Variants in SLC4A1AP observed in about 807,000 individuals in gnomAD.
The protein encoded by SLC4A1AP is kanadaptin.
SLC4A1AP carries 64 observed loss-of-function variants against 89.7 expected under a neutral mutation model. The observed-to-expected ratio is 0.71, with a 90% CI of 0.58 to 0.88. The LOEUF is 0.88. Ranked by LOEUF, SLC4A1AP falls within the 40% of genes least tolerant of loss-of-function variation. SLC4A1AP has a pLI of 0.00. For synonymous variants in SLC4A1AP, 366 were observed against 353.3 expected (o/e 1.04, Z -0.40); for missense variants, 931 against 965.0 (o/e 0.96, Z 0.47).
At chr2:27,673,492 T>C (rs965621843) in intron 5 of SLC4A1AP, among the ~76,000 whole-genome samples, 10 of 136,234 alleles carry the variant, frequency 7.3e-5, no homozygotes, top group Non-Finnish European at 1.4e-4. Context: ...TCCTTCTCTT[T>C]CCTCTATGCT....
intron 13 of SLC4A1AP, among the ~76,000 whole-genome samples, chr2:27,694,153 A>G (rs1165673650): frequency 6.6e-6 from 1 of 152,182 alleles, no homozygotes; most frequent in Non-Finnish European, 1.5e-5. Context: ...TTTCCTCACA[A>G]GACAACCAAT....
chr2:27,678,859 C>T (rs1572993285), intron 8 of SLC4A1AP, among the ~76,000 whole-genome samples: 1 of 151,704 alleles, frequency 6.6e-6, no homozygotes, highest in Non-Finnish European at 1.5e-5. Context: ...GCTGGGACCA[C>T]ACGCATGCTC....
exon 4 of SLC4A1AP, chr2:27,668,875 G>C: frequency 1.9e-6 from 3 of 1,614,056 alleles, no homozygotes; most frequent in Non-Finnish European, 2.5e-6. Flanking sequence ...TGATGAACAG[G>C]GACATAGCAC....
intron 1 of SLC4A1AP, 75 bp from the exon 2 acceptor site, chr2:27,665,025 C>G: frequency 4.0e-6 from 5 of 1,240,502 alleles, no homozygotes; most frequent in Non-Finnish European, 5.7e-6. Flanking sequence ...CCACTGCACT[C>G]CAGTCCAGCC....
At chr2:27,688,098 G>A in intron 11 of SLC4A1AP, 78 bp downstream of exon 11, 1 of 1,170,278 alleles carries the variant, frequency 8.5e-7, no homozygotes, top group East Asian at 2.4e-5. Context: ...GCTGGCAGCT[G>A]ACCTGAAGGC....
intron 3 of SLC4A1AP, among the ~76,000 whole-genome samples, chr2:27,668,282 GGGACTACAGGCGCCCGCCACCACGCCC>G (rs1675366314): frequency 6.6e-6 from 1 of 152,084 alleles, no homozygotes. Flanking sequence ...CCGAGTAGCT[GGGACTACAGGCGCCCGCCACCACGCCC>G]GGCTAATTTT....
chr2:27,688,576 T>G, intron 11 of SLC4A1AP, 124 bp from the exon 12 acceptor site: 1 of 657,152 alleles, frequency 1.5e-6, no homozygotes, highest in Non-Finnish European at 2.6e-6. Flanking sequence ...AAGGAATTGT[T>G]GAGAATTGCA....
Position 27,664,580 on chromosome 2 carries a change from A to T in SLC4A1AP, c.825+3A>T. On this transcript the variant is annotated splice_donor_region_variant and intron_variant, in intron 1 of 13. Coordinates refer to ENST00000613058, the Ensembl canonical transcript of SLC4A1AP. ...GCACCCGGCTCTTTATCCTGCAGGT[A>T]GGTAGAAAAACCTAGAATTGAAATT... The T allele has an allele frequency of 6.3e-7, 1 of 1,598,214 alleles. No individual in the cohort carries two copies. The highest frequency in any genetic ancestry group is 8.5e-7 in the Non-Finnish European group (1 of 1,170,316).
intron 8 of SLC4A1AP, among the ~76,000 whole-genome samples, chr2:27,679,334 G>A (rs1308490185): frequency 4.6e-5 from 7 of 152,296 alleles, no homozygotes; most frequent in Admixed American, 2.0e-4. Flanking sequence ...CAGGTGCTGC[G>A]GCTTACGCCT....
intron 5 of SLC4A1AP, among the ~76,000 whole-genome samples, chr2:27,675,079 A>G (rs1208716920): frequency 2.6e-5 from 4 of 152,224 alleles, no homozygotes; most frequent in Non-Finnish European, 1.5e-5. Flanking sequence ...AAATTGTGGG[A>G]AAATATACAT....
At chr2:27,682,645 C>G (rs1241299467) in intron 9 of SLC4A1AP, among the ~76,000 whole-genome samples, 2 of 151,878 alleles carry the variant, frequency 1.3e-5, no homozygotes, top group Admixed American at 1.3e-4. Flanking sequence ...CTGCCTCAGC[C>G]TCTCGAGTAG....
chr2:27,677,291 A>G lies in SLC4A1AP; in HGVS notation c.1507-4A>G, dbSNP rs760069476. The stretch of plus-strand genomic sequence containing the variant: ...TTGTAACCCTGTTGATTTGGGTGTT[A>G]CAGGTTGCAAAATTAAATGATGCTG... On this transcript the variant is annotated splice_polypyrimidine_tract_variant and splice_region_variant and intron_variant, in intron 6 of 13. Transcript: ENST00000613058. The G allele has an allele frequency of 1.2e-6, 2 of 1,604,412 alleles. No homozygotes were observed. The highest frequency in any genetic ancestry group is 2.2e-5 in the South Asian group (2 of 90,744).
intron 8 of SLC4A1AP, 80 bp from the exon 9 acceptor site, chr2:27,682,168 C>A: frequency 2.3e-6 from 2 of 865,624 alleles, no homozygotes; most frequent in East Asian, 2.6e-5. Context: ...CCAGAGGTTT[C>A]TTTGTCAGTA....
At chr2:27,690,202 C>T (rs997108146) in intron 12 of SLC4A1AP, among the ~76,000 whole-genome samples, 27 of 152,126 alleles carry the variant, frequency 1.8e-4, no homozygotes, top group African/African-American at 5.6e-4. Flanking sequence ...TCTTTGGTTA[C>T]ATAGATGAAT....
At chr2:27,664,346 C>T (rs1242278128) in exon 1 of SLC4A1AP, 1 of 1,614,202 alleles carries the variant, frequency 6.2e-7, no homozygotes, top group South Asian at 1.1e-5. Context: ...CTGGCTGCGA[C>T]GTGTGCCTGG....
In SLC4A1AP at chr2:27,693,668, C is replaced by G; in HGVS notation, c.2272-17C>G. 1 of 1,576,032 alleles carries G rather than the reference C, an allele frequency of 6.3e-7. No homozygotes were observed. The highest frequency in any genetic ancestry group is 1.2e-5 in the South Asian group (1 of 86,870). On this transcript the variant is annotated splice_polypyrimidine_tract_variant and intron_variant, in intron 12 of 13. Transcript: ENST00000613058. ...GAGAAATTCTTGTGAATAAAACAAT[C>G]CATCTTTTCTTTTTAGCTTCCACCA...
At position 27,694,742 on chromosome 2, in the gene SLC4A1AP, A is replaced by G. The variant is rs1009493370; in HGVS notation, c.*59A>G. 5.7e-6 allele frequency: 7 copies of G among 1,232,328 alleles called. No individual in the cohort carries two copies. The African/African-American group carries it at 7.5e-5, about 13-fold the overall frequency. The allele number at this position is 1,232,328 out of a possible 1,614,324, so 76.3% of individuals were successfully genotyped here. On this transcript the variant is annotated 3_prime_UTR_variant, in exon 14 of 14. Coordinates refer to ENST00000613058, the Ensembl canonical transcript of SLC4A1AP. ...CCATGTGACATGGAATATTTGGGAT[A>G]ATGTATCAAATTGAATGGCCAGAGA...
chr2:27,664,663 C>A, intron 1 of SLC4A1AP, 86 bp downstream of exon 1: 1 of 1,039,670 alleles, frequency 9.6e-7, no homozygotes, highest in Non-Finnish European at 1.4e-6. Context: ...GAAGAAGAAT[C>A]TCCCACTCAG....
At chr2:27,689,305 A>G (rs1003623314) in intron 12 of SLC4A1AP, among the ~76,000 whole-genome samples, 12 of 152,148 alleles carry the variant, frequency 7.9e-5, no homozygotes, top group African/African-American at 2.7e-4. Context: ...TGGATATAGT[A>G]AGCTCCCAGA....
Sources: allele counts gnomAD v4.1 joint callset (sites outside exome capture counted in the v4.1 genomes callset), GRCh38; gene constraint gnomAD v4.1.1; transcripts MANE v1.5; gene names NCBI Gene and HGNC (gene_info 2026-07-23, HGNC 2026-07-21).